The following NFIA variants were observed in gnomAD, a reference collection of about 807,000 sequenced individuals.
NFIA encodes the protein nuclear factor I A, also known as nuclear factor 1 A-type.
A neutral mutation model predicts 62.8 loss-of-function variants in NFIA; 8 were observed. That is an observed-to-expected ratio of 0.13 (90% CI 0.07 to 0.23). The LOEUF (loss-of-function observed/expected upper bound fraction) is 0.23, where lower values mean the gene tolerates loss of function less well. NFIA is among the 10% of genes least tolerant of loss of function. The pLI is 1.00. For synonymous variants in NFIA, 235 were observed against 238.1 expected, an observed-to-expected ratio of 0.99 and a Z score of 0.12; for missense variants, 410 against 642.1, an observed-to-expected ratio of 0.64 and a Z score of 3.91.
chr1:61,100,446 C>G (rs1393941613), intron 2 of NFIA, among the ~76,000 whole-genome samples: 1 of 152,134 alleles, frequency 6.6e-6, no homozygotes, highest in Non-Finnish European at 1.5e-5. Flanking sequence ...AGATGCAAAA[C>G]TGAAGAAAAT....
chr1:61,351,329 G>GC, intron 4 of NFIA, among the ~76,000 whole-genome samples: 1 of 152,062 alleles, frequency 6.6e-6, no homozygotes, highest in Admixed American at 6.5e-5. Flanking sequence ...ATAGTTCTTG[G>GC]CAGTAGCAGG....
At chr1:61,358,048 A>T (rs2100440865) in intron 5 of NFIA, among the ~76,000 whole-genome samples, 1 of 150,666 alleles carries the variant, frequency 6.6e-6, no homozygotes, top group South Asian at 2.1e-4. Flanking sequence ...ATATTCTGAA[A>T]GTTTCTTGAC....
intron 6 of NFIA, among the ~76,000 whole-genome samples, chr1:61,379,777 T>A (rs1664327139): frequency 1.3e-5 from 2 of 152,120 alleles, no homozygotes; most frequent in South Asian, 4.1e-4. Flanking sequence ...GCTCTCGAAC[T>A]CCTGGCCTGA....
At chr1:61,114,559 T>TA (rs1379508860) in intron 2 of NFIA, among the ~76,000 whole-genome samples, 1 of 152,190 alleles carries the variant, frequency 6.6e-6, no homozygotes, top group East Asian at 1.9e-4. Context: ...TATTTTTTCT[T>TA]ATATTTTTTT....
intron 3 of NFIA, among the ~76,000 whole-genome samples, chr1:61,319,667 G>A (rs564157766): frequency 6.6e-6 from 1 of 152,160 alleles, no homozygotes; most frequent in South Asian, 2.1e-4. Flanking sequence ...ACAAAAAGGA[G>A]CGAAGGTTTT....
At chr1:61,182,113 T>C (rs920138745) in intron 2 of NFIA, among the ~76,000 whole-genome samples, 1 of 152,356 alleles carries the variant, frequency 6.6e-6, no homozygotes, top group East Asian at 1.9e-4. Flanking sequence ...ATTTGTATTT[T>C]GGTTGCCTGC....
intron 2 of NFIA, among the ~76,000 whole-genome samples, chr1:61,205,545 G>A (rs1437923407): frequency 6.6e-6 from 1 of 152,162 alleles, no homozygotes; most frequent in South Asian, 2.1e-4. Context: ...GCTGGAGGTT[G>A]CAATTTTTTG....
chr1:61,382,538 T>C (rs890718556), intron 6 of NFIA, among the ~76,000 whole-genome samples: 2 of 152,168 alleles, frequency 1.3e-5, no homozygotes, highest in Non-Finnish European at 2.9e-5. Flanking sequence ...TGCATAGAAA[T>C]AGCCTTTTCA....
chr1:61,088,192 G>A lies in NFIA; in HGVS notation c.71G>A (p.Arg24Gln). The change falls in exon 2 of 11, where the codon CGA (arginine) becomes CAA (glutamine). Residue 24 changes from arginine (R) to glutamine (Q), a missense_variant. By Grantham distance (43) the Arg-to-Gln change is conservative. Coordinates refer to ENST00000403491, the MANE Select transcript of NFIA (RefSeq NM_001134673.4). This position sits in a 1 kb window ranked among gnomAD's most constrained non-coding sequence, Gnocchi z 4.5. ...PFIEALLPHV[R>Q]AFAYTWFNLQ... ...ATCGAAGCACTTCTGCCCCACGTCC[G>A]AGCCTTTGCCTACACATGGTTCAAC... The A allele has an allele frequency of 6.2e-7, 1 of 1,613,346 alleles. No homozygotes were observed. Among genetic ancestry groups the A allele is most frequent in the Non-Finnish European group, 8.5e-7 (1 of 1,179,868 alleles).
chr1:61,235,666 A>G (rs1276136157), intron 2 of NFIA, among the ~76,000 whole-genome samples: 1 of 149,540 alleles, frequency 6.7e-6, no homozygotes, highest in African/African-American at 2.5e-5. Flanking sequence ...AAAAAAAAAA[A>G]GCTGGGTGTG....
At chr1:61,423,974 C>G (rs1248042069) in intron 9 of NFIA, among the ~76,000 whole-genome samples, 1 of 151,748 alleles carries the variant, frequency 6.6e-6, no homozygotes, top group East Asian at 1.9e-4. Context: ...ACTTTTGTAG[C>G]TGTTATATAT....
chr1:61,398,313 G>A (rs1298897254), intron 7 of NFIA, among the ~76,000 whole-genome samples: 1 of 152,144 alleles, frequency 6.6e-6, no homozygotes, highest in Non-Finnish European at 1.5e-5. Context: ...GAGCAACAAA[G>A]GTCTTGAAGT....
chr1:61,078,639 A>G (rs1168562413), upstream of NFIA, among the ~76,000 whole-genome samples: 2 of 152,254 alleles, frequency 1.3e-5, no homozygotes. Context: ...AATGTTTCAC[A>G]TGTGGACTAG....
At chr1:61,147,873 A>G (rs1648122350) in intron 2 of NFIA, among the ~76,000 whole-genome samples, 1 of 152,170 alleles carries the variant, frequency 6.6e-6, no homozygotes, top group Admixed American at 6.5e-5. Context: ...TTGCATCTAT[A>G]TATATTGCAA....
chr1:61,396,741 T>C (rs547629655), intron 7 of NFIA, among the ~76,000 whole-genome samples: 16 of 152,168 alleles, frequency 1.1e-4, no homozygotes, highest in African/African-American at 3.9e-4. Flanking sequence ...GGCTCATGCC[T>C]GTAATCCTAG....
intron 2 of NFIA, among the ~76,000 whole-genome samples, chr1:61,208,129 T>C (rs1243779996): frequency 6.6e-6 from 1 of 152,098 alleles, no homozygotes; most frequent in Non-Finnish European, 1.5e-5. Flanking sequence ...CTTTAATATT[T>C]AGCTAAGAGA....
Position 61,232,425 on chromosome 1 carries a change from A to G in NFIA, c.560-45095A>G, listed in dbSNP as rs561527772. Among the ~76,000 whole-genome samples the G allele has an allele frequency of 4.6e-4, 70 of 152,354 alleles. 1 individual carries two copies. The South Asian group carries it at 0.01, about 23-fold the overall frequency. On this transcript the variant is annotated intron_variant, in intron 2 of 10. Coordinates refer to ENST00000403491, the MANE Select transcript of NFIA (RefSeq NM_001134673.4). ...AATATTACATAAAAGTTTTATTGCCATGAGTTTGAGATGACATGTTATAAG... is the reference window on the plus strand; with the variant it reads ...AATATTACATAAAAGTTTTATTGCCGTGAGTTTGAGATGACATGTTATAAG...
At chr1:61,191,039 ATT>A (rs138603951) in intron 2 of NFIA, among the ~76,000 whole-genome samples, 39 of 147,146 alleles carry the variant, frequency 2.7e-4, no homozygotes, top group African/African-American at 7.9e-4. Context: ...AAAATGAAGG[ATT>A]TTTTTTTTTT....
chr1:61,129,606 G>A (rs1647039156), intron 2 of NFIA, among the ~76,000 whole-genome samples: 1 of 151,568 alleles, frequency 6.6e-6, no homozygotes, highest in South Asian at 2.1e-4. Context: ...CACGCCACCC[G>A]CCTGGGTAAT....
Sources: gnomAD v4.1 joint callset for allele counts (sites outside exome capture counted in the v4.1 genomes callset) on GRCh38, gnomAD v4.1.1 for gene constraint, Gnocchi (gnomAD v3.1) non-coding constraint, MANE v1.5 for transcripts, NCBI Gene and HGNC (gene_info 2026-07-23, HGNC 2026-07-21) for gene names.